The following TAFA2 variants were observed in gnomAD, a reference collection of about 807,000 sequenced individuals.
TAFA2 encodes TAFA chemokine like family member 2.
Under a neutral mutation model 18.8 loss-of-function variants are expected in TAFA2, and 7 were observed. The ratio of observed to expected loss-of-function variants is 0.37; its 90% CI spans 0.21 to 0.70. The LOEUF is 0.70. TAFA2 is among the 30% of genes least tolerant of loss of function. The probability of loss-of-function intolerance (pLI) is 0.53; values close to 1 mark genes in which losing one functional copy is unlikely to be tolerated. For missense variants in TAFA2, 122 were observed against 158.1 expected (o/e 0.77, Z 1.23); for synonymous variants, 60 against 54.2 (o/e 1.11, Z -0.47).
intron 1 of TAFA2, among the ~76,000 whole-genome samples, chr12:62,135,637 A>C (rs896599035): frequency 6.6e-6 from 1 of 152,166 alleles, no homozygotes; most frequent in Non-Finnish European, 1.5e-5. Flanking sequence ...AAAATTAAAC[A>C]AGGAAATAGG....
intron 2 of TAFA2, among the ~76,000 whole-genome samples, chr12:61,849,410 A>G (rs1873548172): frequency 6.6e-6 from 1 of 152,224 alleles, no homozygotes; most frequent in Non-Finnish European, 1.5e-5. Flanking sequence ...AGGGAAGTAG[A>G]CATGTTCACC....
chr12:62,066,750 T>C (rs902035815), intron 1 of TAFA2, among the ~76,000 whole-genome samples: 12 of 152,110 alleles, frequency 7.9e-5, no homozygotes, highest in Non-Finnish European at 1.3e-4. Context: ...ATCATGGCTA[T>C]GTTGAATAGT....
chr12:61,788,895 C>A (rs1870855025), intron 2 of TAFA2, among the ~76,000 whole-genome samples: 1 of 151,672 alleles, frequency 6.6e-6, no homozygotes, highest in Non-Finnish European at 1.5e-5. Flanking sequence ...TCTATCAGTA[C>A]TAAAAGTTTT....
At chr12:61,896,523 A>C (rs1308935652) in intron 1 of TAFA2, among the ~76,000 whole-genome samples, 2 of 152,218 alleles carry the variant, frequency 1.3e-5, no homozygotes, top group East Asian at 3.8e-4. Context: ...TTACTAGGCC[A>C]CTTCAAGTGC....
At chr12:61,852,530 G>C (rs1216041051) in intron 2 of TAFA2, among the ~76,000 whole-genome samples, 1 of 152,136 alleles carries the variant, frequency 6.6e-6, no homozygotes, top group East Asian at 1.9e-4. Context: ...CAAGATCCAG[G>C]GGTAGGAATA....
At chr12:62,134,526 G>GA (rs958672918) in intron 1 of TAFA2, among the ~76,000 whole-genome samples, 1 of 151,928 alleles carries the variant, frequency 6.6e-6, no homozygotes, top group Non-Finnish European at 1.5e-5. Flanking sequence ...AGAGCTGCAA[G>GA]AAAAAATGGT....
At chr12:61,966,792 C>T (rs1879083008) in intron 1 of TAFA2, among the ~76,000 whole-genome samples, 2 of 151,884 alleles carry the variant, frequency 1.3e-5, no homozygotes, top group African/African-American at 2.4e-5. Context: ...TGCAGCTATG[C>T]TAATACAAAT....
At chr12:61,795,805 A>AT (rs1457476462) in intron 2 of TAFA2, among the ~76,000 whole-genome samples, 4 of 151,922 alleles carry the variant, frequency 2.6e-5, no homozygotes, top group Non-Finnish European at 5.9e-5. Flanking sequence ...ATAAAATAAG[A>AT]TTTTTTATAG....
intron 1 of TAFA2, among the ~76,000 whole-genome samples, chr12:62,179,053 C>T (rs923879826): frequency 1.3e-5 from 2 of 152,120 alleles, no homozygotes; most frequent in African/African-American, 2.4e-5. Flanking sequence ...AAATCACTTG[C>T]ATACAAATGT....
intron 4 of TAFA2, among the ~76,000 whole-genome samples, chr12:61,714,680 T>C (rs76431335): frequency 0.015 from 2,332 of 152,346 alleles, 60 homozygotes; most frequent in East Asian, 0.12. Flanking sequence ...TTCCATTTTA[T>C]TGTTTGAGTA....
At chr12:62,190,431 G>A (rs1378279128) in intron 1 of TAFA2, among the ~76,000 whole-genome samples, 1 of 152,168 alleles carries the variant, frequency 6.6e-6, no homozygotes, top group Non-Finnish European at 1.5e-5. Context: ...AGAATTGAAG[G>A]GGGAAGGAAT....
intron 2 of TAFA2, among the ~76,000 whole-genome samples, chr12:61,761,918 C>A (rs1226110338): frequency 1.3e-5 from 2 of 151,984 alleles, no homozygotes; most frequent in Non-Finnish European, 2.9e-5. Context: ...TGGATTAGCA[C>A]CATCCCCCTA....
intron 4 of TAFA2, among the ~76,000 whole-genome samples, chr12:61,725,542 T>C (rs571179464): frequency 6.6e-6 from 1 of 150,482 alleles, no homozygotes; most frequent in East Asian, 1.9e-4. Context: ...GAATAGGGTG[T>C]CCTTTCCCCA....
intron 1 of TAFA2, among the ~76,000 whole-genome samples, chr12:62,010,913 C>A (rs867849263): frequency 4.1e-5 from 3 of 72,472 alleles, no homozygotes; most frequent in Non-Finnish European, 8.7e-5. Context: ...TCTGCCCGGC[C>A]GCCCTTCGTC....
At chr12:62,131,910 G>A (rs1870701833) in intron 1 of TAFA2, among the ~76,000 whole-genome samples, 1 of 151,558 alleles carries the variant, frequency 6.6e-6, no homozygotes, top group Non-Finnish European at 1.5e-5. Flanking sequence ...TAGAAATTTA[G>A]TATTTCTGTC....
At chr12:62,043,167 A>C (rs1355281714) in intron 1 of TAFA2, among the ~76,000 whole-genome samples, 1 of 152,072 alleles carries the variant, frequency 6.6e-6, no homozygotes, top group Non-Finnish European at 1.5e-5. Context: ...TCATTTAATT[A>C]GTTTATTGCG....
At chr12:61,908,727 AG>A (rs1876474208) in intron 1 of TAFA2, among the ~76,000 whole-genome samples, 1 of 152,234 alleles carries the variant, frequency 6.6e-6, no homozygotes, top group African/African-American at 2.4e-5. Context: ...ATAATATTAA[AG>A]AACATGAACC....
chr12:61,725,237 T>A (rs975566353), intron 4 of TAFA2, among the ~76,000 whole-genome samples: 2 of 152,172 alleles, frequency 1.3e-5, no homozygotes, highest in African/African-American at 4.8e-5. Context: ...GTGGGTTGTC[T>A]GTTTACTCTG....
intron 1 of TAFA2, among the ~76,000 whole-genome samples, chr12:62,184,365 C>A (rs539699738): frequency 3.9e-5 from 6 of 152,092 alleles, no homozygotes; most frequent in Middle Eastern, 3.4e-3. Context: ...TATTTAAATG[C>A]CAGAAACTAT....
Sources: allele counts gnomAD v4.1 joint callset (sites outside exome capture counted in the v4.1 genomes callset), GRCh38; gene constraint gnomAD v4.1.1; transcripts MANE v1.5; gene names NCBI Gene and HGNC (gene_info 2026-07-23, HGNC 2026-07-21).